PCDH10: variants seen among roughly 807,000 people sequenced by gnomAD.
PCDH10 encodes the protein protocadherin-10.
In PCDH10, 15 loss-of-function variants were observed where a neutral mutation model predicts 74.4. The observed-to-expected ratio is 0.20, with a 90% CI of 0.13 to 0.31. PCDH10 has a LOEUF of 0.31. Among genes scored for constraint, PCDH10 ranks in the 10% least tolerant of loss-of-function variants. PCDH10 has a pLI of 1.00. For missense variants in PCDH10, 1,260 were observed against 1,390.2 expected (o/e 0.91, Z 1.49); for synonymous variants, 619 against 589.8 (o/e 1.05, Z -0.72).
At chr4:133,196,670 G>A (rs1285358720), downstream of PCDH10, among the ~76,000 whole-genome samples, 1 of 152,178 alleles carries the variant, frequency 6.6e-6, no homozygotes, top group Non-Finnish European at 1.5e-5. Context: ...GGAAAGGGCT[G>A]TTATCATCTT....
intron 3 of PCDH10, among the ~76,000 whole-genome samples, chr4:133,158,477 A>G (rs2125861494): frequency 6.6e-6 from 1 of 152,254 alleles, no homozygotes; most frequent in South Asian, 2.1e-4. Context: ...ATTTCTCTTC[A>G]ATAATTTTTT....
chr4:133,207,762 C>T (rs1728037228), intron 2 of PCDH10, among the ~76,000 whole-genome samples: 2 of 151,960 alleles, frequency 1.3e-5, no homozygotes, highest in Admixed American at 1.3e-4. Flanking sequence ...AGTTTAAAAC[C>T]ACACTGGCAG....
At chr4:133,169,036 C>A (rs1011662488) in intron 4 of PCDH10, among the ~76,000 whole-genome samples, 1 of 151,646 alleles carries the variant, frequency 6.6e-6, no homozygotes, top group African/African-American at 2.4e-5. Flanking sequence ...TGTTAAATTT[C>A]TTTTGATTTG....
At position 133,190,172 on chromosome 4, in the gene PCDH10, G is replaced by A; in HGVS notation, c.*12G>A. 1 of 1,609,706 alleles carries A rather than the reference G, an allele frequency of 6.2e-7. No individual in the cohort carries two copies. The highest frequency in any genetic ancestry group is 8.5e-7 in the Non-Finnish European group (1 of 1,176,276). On this transcript the variant is annotated 3_prime_UTR_variant, in exon 5 of 5. Coordinates refer to ENST00000264360, the MANE Select transcript of PCDH10 (RefSeq NM_032961.3). The stretch of plus-strand genomic sequence containing the variant: ...AAAGGATATGCTAGTCAATTCTACA[G>A]GACTTACCTGAAGCAGCATGATTTG...
At chr4:133,163,612 A>G (rs192325705) in intron 4 of PCDH10, among the ~76,000 whole-genome samples, 1 of 152,278 alleles carries the variant, frequency 6.6e-6, no homozygotes, top group East Asian at 1.9e-4. Context: ...AGAAATAGAA[A>G]TATTTTTCTT....
At position 133,152,173 on chromosome 4, in the gene PCDH10, T is replaced by C; in HGVS notation, c.2033T>C (p.Leu678Pro). The stretch of plus-strand genomic sequence containing the variant: ...TCCACCGCCACCCTGGTGGTTCAGC[T>C]GGTGGATGGCGCCGTGGAGCCCCAG... ...LSSTATLVVQ[L>P]VDGAVEPQGG... The change falls in exon 1 of 5, where the codon CTG (leucine) becomes CCG (proline). Residue 678 changes from leucine (L) to proline (P), a missense_variant. Leu to Pro is a moderately conservative substitution (Grantham distance 98). This residue lies in a region of PCDH10 where 587 missense variants were observed against 616.9 expected (regional missense o/e 0.95). Coordinates refer to ENST00000264360, the MANE Select transcript of PCDH10 (RefSeq NM_032961.3). 1 of 1,569,788 alleles carries C rather than the reference T, an allele frequency of 6.4e-7. No homozygotes were observed.
chr4:133,151,316 G>C lies in PCDH10; in HGVS notation c.1176G>C (p.Gln392His), dbSNP rs1726683310. Residue 392 changes from glutamine (Q) to histidine (H), a missense_variant, in exon 1 of 5, where the codon CAG becomes CAC. Physicochemically the swap from Gln to His is conservative, Grantham distance 24. Coordinates refer to ENST00000264360, the MANE Select transcript of PCDH10 (RefSeq NM_032961.3). ...VTDRDSEENG[Q>H]VQCELLGDVP... ...ACCGCGACTCAGAGGAGAATGGGCA[G>C]GTGCAGTGCGAGCTACTGGGAGACG... The C allele has an allele frequency of 2.5e-6, 4 of 1,614,198 alleles. No homozygotes were observed. Among genetic ancestry groups the C allele is most frequent in the Middle Eastern group, 1.6e-4 (1 of 6,062 alleles).
At chr4:133,158,649 A>C (rs1297671065) in intron 3 of PCDH10, among the ~76,000 whole-genome samples, 1 of 152,176 alleles carries the variant, frequency 6.6e-6, no homozygotes, top group Non-Finnish European at 1.5e-5. Flanking sequence ...AAATGCATTA[A>C]GCCAGTGCAT....
Position 133,155,020 on chromosome 4 carries a change from G to T in PCDH10, c.2794G>T (p.Ala932Ser), listed in dbSNP as rs767655474. The change falls in exon 3 of 5, where the codon GCT (alanine) becomes TCT (serine). Residue 932 changes from alanine (A) to serine (S), a missense_variant. Ala to Ser is a moderately conservative substitution (Grantham distance 99). Around this residue, in one of 11 missense-constraint regions of PCDH10, gnomAD observed 136 missense variants for 149.3 expected, o/e 0.91. Transcript: ENST00000264360. ...DHDATNRAQS[A>S]GMDLFSNCTE... is the part of the protein sequence containing the mutation. The stretch of plus-strand genomic sequence containing the variant: ...TGATGCCACCAACCGTGCCCAGTCA[G>T]CTGGTAAGTGTGATCAAAGGGCAAT... The T allele has an allele frequency of 5.0e-6, 8 of 1,596,492 alleles. No homozygotes were observed. Among genetic ancestry groups the T allele is most frequent in the Non-Finnish European group, 6.9e-6 (8 of 1,164,104 alleles).
chr4:133,160,889 T>TA lies in PCDH10; in HGVS notation c.2798-2081dup, dbSNP rs946955563. ...TTACTCTTAAAGACGTTTCTACTAT[T>TA]AAAAAAATCTATGTTCCCCCATCAT... is the stretch of plus-strand genomic sequence containing the variant. On this transcript the variant is annotated intron_variant, in intron 3 of 4. Transcript: ENST00000264360. Among the ~76,000 whole-genome samples the TA allele has an allele frequency of 2.6e-5, 4 of 152,116 alleles. No individual in the cohort carries two copies. The East Asian group carries it at 5.8e-4, about 22-fold the overall frequency.
intron 2 of PCDH10, among the ~76,000 whole-genome samples, chr4:133,205,966 T>C (rs1171567319): frequency 2.0e-4 from 31 of 152,216 alleles, no homozygotes; most frequent in Admixed American, 2.0e-3. Flanking sequence ...TAATGTCTTA[T>C]GATACTTGGC....
rs1420566564 is a variant in PCDH10 at position 133,151,505 on chromosome 4, T to C, written c.1365T>C (p.Asp455=). Residue 455 remains aspartate (D), a synonymous_variant, in exon 1 of 5, where the codon GAT becomes GAC. Coordinates refer to ENST00000264360, the MANE Select transcript of PCDH10 (RefSeq NM_032961.3). ...AGTCGATCCAGGTACAAGTGTCGGA[T>C]GTGAACGACAACGCGCCGCGTTTCA... ...TSKSIQVQVS[D]VNDNAPRFSQ... is the part of the protein sequence containing the mutation. The C allele has an allele frequency of 1.7e-5, 28 of 1,614,032 alleles. No homozygotes were observed. Among genetic ancestry groups the C allele is most frequent in the Non-Finnish European group, 2.3e-5 (27 of 1,180,008 alleles).
chr4:133,188,672 T>G (rs992166052), intron 4 of PCDH10, among the ~76,000 whole-genome samples: 33 of 139,008 alleles, frequency 2.4e-4, no homozygotes, highest in Admixed American at 2.9e-4. Context: ...TGGGTTTTTT[T>G]TTTTTTTTTT....
intron 4 of PCDH10, 124 bp downstream of exon 4, chr4:133,163,406 A>C: frequency 1.3e-6 from 1 of 789,874 alleles, no homozygotes; most frequent in Non-Finnish European, 2.0e-6. Context: ...AAGTGACTGG[A>C]TGCTGGCAGC....
chr4:133,197,076 TG>T (rs1446403417), downstream of PCDH10, among the ~76,000 whole-genome samples: 1 of 152,134 alleles, frequency 6.6e-6, no homozygotes, highest in African/African-American at 2.4e-5. Context: ...CATTTATCAG[TG>T]GTATGGAGTA....
At chr4:133,173,840 G>C (rs1727243486) in intron 4 of PCDH10, among the ~76,000 whole-genome samples, 1 of 151,726 alleles carries the variant, frequency 6.6e-6, no homozygotes, top group African/African-American at 2.4e-5. Context: ...GAGATGCATA[G>C]AGTATAAATG....
rs1578578527 is a variant in PCDH10 at position 133,191,984 on chromosome 4, C to CACACACAT, written c.*1831_*1832insTACACACA. ...ATATATACACACACACACACACACA[C>CACACACAT]ACACACACACACTTAGGTCCTGATA... On this transcript the variant is annotated 3_prime_UTR_variant, in exon 5 of 5. Coordinates refer to ENST00000264360, the MANE Select transcript of PCDH10 (RefSeq NM_032961.3). 2.6e-5 allele frequency: 4 copies of CACACACAT among 151,192 alleles called. No homozygotes were observed. The East Asian group carries it at 7.8e-4, about 29-fold the overall frequency. The allele number at this position is 151,192 out of a possible 1,614,324, so 9.4% of individuals were successfully genotyped here.
In PCDH10 at chr4:133,150,507, C is replaced by A. The variant is rs1184236154; in HGVS notation, c.367C>A (p.Pro123Thr). Reference protein sequence around the residue: ...LDINDNPPSFPEPDLTVEISE... With the variant: ...LDINDNPPSFTEPDLTVEISE... ...CATTAATGACAACCCCCCCTCTTTC[C>A]CGGAGCCAGACCTGACGGTGGAAAT... Residue 123 changes from proline (P) to threonine (T), a missense_variant, in exon 1 of 5, where the codon CCG becomes ACG. By Grantham distance (38) the Pro-to-Thr change is conservative (BLOSUM62 -1). This residue lies in a region of PCDH10 where 63 missense variants were observed against 100.7 expected (regional missense o/e 0.63). Transcript: ENST00000264360. 1 of 1,613,782 alleles carries A rather than the reference C, an allele frequency of 6.2e-7. No individual in the cohort carries two copies.
In PCDH10 at chr4:133,151,147, A is replaced by G. The variant is rs1208719529; in HGVS notation, c.1007A>G (p.Asn336Ser). Reference protein sequence around the residue: ...VYVQAKDLGPNAVPAHCKVLV... With the variant: ...VYVQAKDLGPSAVPAHCKVLV... ...GTGCAAGCCAAGGACCTGGGCCCCAACGCCGTGCCTGCGCACTGCAAGGTG... is the reference window on the plus strand; with the variant it reads ...GTGCAAGCCAAGGACCTGGGCCCCAGCGCCGTGCCTGCGCACTGCAAGGTG... Residue 336 changes from asparagine (N) to serine (S), a missense_variant, in exon 1 of 5, where the codon AAC becomes AGC. By Grantham distance (46) the Asn-to-Ser change is conservative (BLOSUM62 1). Transcript: ENST00000264360. 4 of 1,614,142 alleles carry G rather than the reference A, an allele frequency of 2.5e-6. No homozygotes were observed. The highest frequency in any genetic ancestry group is 3.4e-6 in the Non-Finnish European group (4 of 1,180,006).
Sources: gnomAD v4.1 joint callset for allele counts (sites outside exome capture counted in the v4.1 genomes callset) on GRCh38, gnomAD v4.1.1 for gene constraint, gnomAD v4.1.1 regional missense constraint, MANE v1.5 for transcripts, NCBI Gene and HGNC (gene_info 2026-07-23, HGNC 2026-07-21) for gene names.